Variants in ENTHD1 observed in about 807,000 individuals in gnomAD.
The protein encoded by ENTHD1 is ENTH domain containing 1, also known as ENTH domain-containing protein 1.
Under a neutral mutation model 39.1 loss-of-function variants are expected in ENTHD1, and 23 were observed. That is an observed-to-expected ratio of 0.59 (90% CI 0.42 to 0.83). ENTHD1 has a LOEUF of 0.83. Among genes scored for constraint, ENTHD1 ranks in the 40% least tolerant of loss-of-function variants. The pLI, the probability that ENTHD1 is intolerant of heterozygous loss-of-function variation, is 0.00. For missense variants in ENTHD1, 624 were observed against 705.4 expected (o/e 0.88, Z 1.31); for synonymous variants, 230 against 258.2 (o/e 0.89, Z 1.05).
intron 5 of ENTHD1, among the ~76,000 whole-genome samples, chr22:39,774,437 G>A (rs547251927): frequency 1.1e-4 from 16 of 152,054 alleles, no homozygotes; most frequent in Non-Finnish European, 2.1e-4. Context: ...TGTTCAGGGA[G>A]GTCTTATCAT....
At chr22:39,871,701 C>T (rs773432753) in intron 2 of ENTHD1, among the ~76,000 whole-genome samples, 1 of 152,182 alleles carries the variant, frequency 6.6e-6, no homozygotes, top group Non-Finnish European at 1.5e-5. Flanking sequence ...GTAAAAGTCA[C>T]ATTTAAGCTT....
Position 39,849,522 on chromosome 22 carries a change from A to G in ENTHD1, c.592+12243T>C, listed in dbSNP as rs369016780. 5.6e-4 allele frequency among the ~76,000 whole-genome samples: 86 copies of G among 152,358 alleles called. 1 individual carries two copies. In the South Asian group the frequency reaches 0.011, roughly 19 times the overall value. Reference sequence around the variant, plus strand: ...ATTTGGAGAGAACTGACATGTTTACATTATTATTTTGATAAACATGGAATA... The same window carrying G: ...ATTTGGAGAGAACTGACATGTTTACGTTATTATTTTGATAAACATGGAATA... On this transcript the variant is annotated intron_variant, in intron 3 of 6. Coordinates refer to ENST00000325157, the MANE Select transcript of ENTHD1 (RefSeq NM_152512.4).
intron 5 of ENTHD1, among the ~76,000 whole-genome samples, chr22:39,799,201 T>A (rs1329792270): frequency 6.6e-6 from 1 of 152,154 alleles, no homozygotes. Flanking sequence ...CTGTCCCTAG[T>A]ATGTGCACAA....
chr22:39,778,384 G>C (rs2065382060), intron 5 of ENTHD1, among the ~76,000 whole-genome samples: 2 of 152,162 alleles, frequency 1.3e-5, no homozygotes, highest in African/African-American at 4.8e-5. Flanking sequence ...AAATATGACA[G>C]TGATATGAAG....
chr22:39,821,172 C>A, intron 4 of ENTHD1, 59 bp from the exon 5 acceptor site: 2 of 1,583,584 alleles, frequency 1.3e-6, no homozygotes, highest in Non-Finnish European at 1.7e-6. Context: ...CCTGGATGGA[C>A]AATTTATTGA....
chr22:39,769,545 C>A (rs1456084457), intron 5 of ENTHD1, among the ~76,000 whole-genome samples: 1 of 152,100 alleles, frequency 6.6e-6, no homozygotes, highest in Admixed American at 6.6e-5. Context: ...GGCTACCCTG[C>A]ACTTAGGATG....
chr22:39,802,698 CT>C (rs2065608574), intron 5 of ENTHD1, among the ~76,000 whole-genome samples: 3 of 152,166 alleles, frequency 2.0e-5, no homozygotes, highest in Admixed American at 1.3e-4. Context: ...CAAGGAGAGC[CT>C]TTGCTTCTGA....
At chr22:39,745,045 T>C (rs561996154) in intron 6 of ENTHD1, among the ~76,000 whole-genome samples, 1 of 152,346 alleles carries the variant, frequency 6.6e-6, no homozygotes, top group South Asian at 2.1e-4. Flanking sequence ...GAAGATGTTT[T>C]GTAAAAACAG....
chr22:39,777,425 G>T (rs928891666), intron 5 of ENTHD1, among the ~76,000 whole-genome samples: 1 of 152,004 alleles, frequency 6.6e-6, no homozygotes, highest in Non-Finnish European at 1.5e-5. Flanking sequence ...CACAGTTGTA[G>T]GTCCTGAGAG....
At chr22:39,871,172 A>AAAATAAAT (rs58727605) in intron 2 of ENTHD1, among the ~76,000 whole-genome samples, 4,130 of 141,240 alleles carry the variant, frequency 0.029, 71 homozygotes, top group East Asian at 0.064. Context: ...CCCATCTTCT[A>AAAATAAAT]AAATAAATAA....
intron 5 of ENTHD1, among the ~76,000 whole-genome samples, chr22:39,813,668 G>A (rs1426813541): frequency 2.6e-5 from 4 of 152,130 alleles, no homozygotes. Flanking sequence ...GGAAGTCCAC[G>A]ATCACACTTT....
intron 6 of ENTHD1, 41 bp from the exon 7 acceptor site, chr22:39,744,324 A>G (rs758936453): frequency 3.9e-6 from 6 of 1,520,084 alleles, no homozygotes; most frequent in Non-Finnish European, 2.6e-6. Context: ...TATGCAACAT[A>G]CAAATGAGAG....
At chr22:39,825,032 T>A (rs932154599) in intron 4 of ENTHD1, among the ~76,000 whole-genome samples, 1 of 152,240 alleles carries the variant, frequency 6.6e-6, no homozygotes, top group Non-Finnish European at 1.5e-5. Context: ...CTTTACTATG[T>A]TGAGTCTTCC....
chr22:39,776,808 T>C (rs990733160), intron 5 of ENTHD1, among the ~76,000 whole-genome samples: 2 of 152,232 alleles, frequency 1.3e-5, no homozygotes, highest in Non-Finnish European at 1.5e-5. Context: ...AACTTCAGAT[T>C]TGCTACTGAG....
chr22:39,776,753 A>C (rs933589531), intron 5 of ENTHD1, among the ~76,000 whole-genome samples: 34 of 152,260 alleles, frequency 2.2e-4, no homozygotes, highest in Non-Finnish European at 7.3e-5. Flanking sequence ...GTAACTAAGA[A>C]TACTTTTGCC....
chr22:39,771,935 G>A (rs986143262), intron 5 of ENTHD1, among the ~76,000 whole-genome samples: 7 of 152,026 alleles, frequency 4.6e-5, no homozygotes, highest in Non-Finnish European at 1.5e-5. Context: ...ATATATAGGA[G>A]AATGTAAAAG....
rs534002054 is a variant in ENTHD1 at position 39,807,911 on chromosome 22, G to A, written c.832+13082C>T. On this transcript the variant is annotated intron_variant, in intron 5 of 6. Coordinates refer to ENST00000325157, the MANE Select transcript of ENTHD1 (RefSeq NM_152512.4). ...TACGTGTGTGTGTGTGTGTGTGTGTGTGTATATATATACTGGGTCATGACA... is the reference window on the plus strand; with the variant it reads ...TACGTGTGTGTGTGTGTGTGTGTGTATGTATATATATACTGGGTCATGACA... Among the ~76,000 whole-genome samples, 318 of 151,582 alleles carry A rather than the reference G, an allele frequency of 2.1e-3. 3 individuals are homozygous for A. Among genetic ancestry groups the A allele is most frequent in the African/African-American group, 6.8e-3 (280 of 41,202 alleles).
chr22:39,826,609 G>A (rs547384026), intron 4 of ENTHD1, among the ~76,000 whole-genome samples: 3 of 152,060 alleles, frequency 2.0e-5, no homozygotes, highest in East Asian at 3.9e-4. Context: ...GCTCACCACC[G>A]CTTTAGCTGT....
chr22:39,766,046 A>AAAAG (rs1569131394), intron 5 of ENTHD1, among the ~76,000 whole-genome samples: 2 of 148,726 alleles, frequency 1.3e-5, no homozygotes, highest in East Asian at 1.9e-4. Context: ...AAAAAAAAAA[A>AAAAG]AAAGAAAGAA....
Sources: gnomAD v4.1 joint callset for allele counts (sites outside exome capture counted in the v4.1 genomes callset) on GRCh38, gnomAD v4.1.1 for gene constraint, MANE v1.5 for transcripts, NCBI Gene and HGNC (gene_info 2026-07-23, HGNC 2026-07-21) for gene names.